Variants in CDK19 observed in about 807,000 individuals in gnomAD.
The protein encoded by CDK19 is cyclin-dependent kinase 19.
CDK19 carries 20 observed loss-of-function variants against 68.3 expected under a neutral mutation model. That is an observed-to-expected ratio of 0.29 (90% confidence interval 0.21 to 0.43). CDK19 has a LOEUF of 0.43. Among genes scored for constraint, CDK19 ranks in the 20% least tolerant of loss-of-function variants. CDK19 has a pLI of 1.00. For synonymous variants in CDK19, 221 were observed against 222.8 expected (o/e 0.99, Z 0.07); for missense variants, 339 against 623.5 (o/e 0.54, Z 4.86).
chr6:110,624,658 G>A (rs1005120986), intron 8 of CDK19, among the ~76,000 whole-genome samples: 3 of 152,036 alleles, frequency 2.0e-5, no homozygotes, highest in African/African-American at 7.2e-5. Context: ...ATTTAATATT[G>A]TTCCATAAAC....
chr6:110,766,761 A>C (rs141500486), intron 1 of CDK19, among the ~76,000 whole-genome samples: 8 of 152,292 alleles, frequency 5.3e-5, no homozygotes, highest in African/African-American at 1.9e-4. Context: ...GCACTTTGGG[A>C]GGCTAAGGCA....
chr6:110,814,949 G>C (rs1427867859), intron 1 of CDK19, 60 bp downstream of exon 1: 1 of 1,590,476 alleles, frequency 6.3e-7, no homozygotes, highest in South Asian at 1.1e-5. Context: ...CACCCATCCC[G>C]CCAGGTCGCG....
At chr6:110,788,809 G>C (rs889890864) in intron 1 of CDK19, among the ~76,000 whole-genome samples, 1 of 152,094 alleles carries the variant, frequency 6.6e-6, no homozygotes, top group Non-Finnish European at 1.5e-5. Context: ...AACTGCAGCT[G>C]CAGACTTCAA....
intron 2 of CDK19, among the ~76,000 whole-genome samples, chr6:110,734,982 T>G (rs1777131341): frequency 6.6e-6 from 1 of 152,176 alleles, no homozygotes; most frequent in Admixed American, 6.6e-5. Context: ...AAATTCCTAT[T>G]CAAGTAATGT....
chr6:110,725,737 A>G (rs1776272336), intron 2 of CDK19, among the ~76,000 whole-genome samples: 1 of 152,204 alleles, frequency 6.6e-6, no homozygotes, highest in African/African-American at 2.4e-5. Flanking sequence ...ATTTCACTAA[A>G]ATTTGGCAGT....
chr6:110,812,664 G>A (rs1026305599), intron 1 of CDK19, among the ~76,000 whole-genome samples: 1 of 151,966 alleles, frequency 6.6e-6, no homozygotes, highest in African/African-American at 2.4e-5. Context: ...TATCTTTAAT[G>A]TAACCTATGT....
chr6:110,814,618 T>A (rs1175727637), intron 1 of CDK19: 5 of 469,496 alleles, frequency 1.1e-5, no homozygotes, highest in Non-Finnish European at 2.1e-5. Context: ...ACAACGACCG[T>A]CACTACCCAG....
At chr6:110,659,929 T>G (rs918165616) in intron 4 of CDK19, among the ~76,000 whole-genome samples, 4 of 152,212 alleles carry the variant, frequency 2.6e-5, no homozygotes, top group African/African-American at 9.6e-5. Context: ...GTGGGGACTT[T>G]TTGCATTTTC....
chr6:110,739,987 A>T (rs1000397366), intron 2 of CDK19, among the ~76,000 whole-genome samples: 6 of 152,032 alleles, frequency 3.9e-5, no homozygotes, highest in Admixed American at 2.0e-4. Flanking sequence ...AACTAGAATG[A>T]TTAATAAATT....
chr6:110,635,900 T>A (rs1306737353), intron 5 of CDK19, among the ~76,000 whole-genome samples: 1 of 152,212 alleles, frequency 6.6e-6, no homozygotes, highest in African/African-American at 2.4e-5. Flanking sequence ...TAGGCATTGG[T>A]ATTACTAATG....
intron 1 of CDK19, among the ~76,000 whole-genome samples, chr6:110,807,871 C>A (rs1782790528): frequency 6.6e-6 from 1 of 150,926 alleles, no homozygotes; most frequent in Non-Finnish European, 1.5e-5. Flanking sequence ...GCAATGGCAT[C>A]ATCATAGCTC....
chr6:110,814,484 G>T (rs1393728993), intron 1 of CDK19: 1 of 391,144 alleles, frequency 2.6e-6, no homozygotes, highest in African/African-American at 2.2e-5. Context: ...TGCTGGGGGC[G>T]GCGGTGCCCA....
intron 1 of CDK19, among the ~76,000 whole-genome samples, chr6:110,777,645 T>C (rs1780503957): frequency 6.6e-6 from 1 of 152,166 alleles, no homozygotes; most frequent in Non-Finnish European, 1.5e-5. Flanking sequence ...CTTCTGGGTA[T>C]GGAGTCAAAA....
At chr6:110,807,145 TAA>T (rs761400244) in intron 1 of CDK19, among the ~76,000 whole-genome samples, 7 of 125,270 alleles carry the variant, frequency 5.6e-5, no homozygotes, top group Non-Finnish European at 6.9e-5. Flanking sequence ...ACAAATAATT[TAA>T]AAAAAAAAAA....
At chr6:110,799,617 A>T (rs746665414) in intron 1 of CDK19, among the ~76,000 whole-genome samples, 2 of 150,218 alleles carry the variant, frequency 1.3e-5, no homozygotes, top group African/African-American at 2.5e-5. Context: ...TTTTTTTTGG[A>T]GACAGGGTCT....
At chr6:110,786,143 A>C (rs1003849797) in intron 1 of CDK19, among the ~76,000 whole-genome samples, 1 of 152,188 alleles carries the variant, frequency 6.6e-6, no homozygotes, top group Non-Finnish European at 1.5e-5. Context: ...GTTGTAAAAG[A>C]AGTCCAAAGC....
At chr6:110,711,492 A>T (rs544633459) in intron 2 of CDK19, among the ~76,000 whole-genome samples, 1 of 152,372 alleles carries the variant, frequency 6.6e-6, no homozygotes, top group South Asian at 2.1e-4. Flanking sequence ...AAATTTACGT[A>T]TCAATTAAAA....
In CDK19 at chr6:110,725,603, G is replaced by A. The variant is rs1056964857; in HGVS notation, c.204+20523C>T. Among the ~76,000 whole-genome samples the A allele has an allele frequency of 3.3e-5, 5 of 152,154 alleles. No homozygotes were observed. In the Middle Eastern group the frequency reaches 0.017, roughly 518 times the overall value. On this transcript the variant is annotated intron_variant, in intron 2 of 12. Transcript: ENST00000368911. ...TCCTGAACAAAATCCATCATCCCTC[G>A]TGCAGCCTAATTGGCTGAGAAATCA...
chr6:110,664,838 G>T (rs1242579966), intron 4 of CDK19, among the ~76,000 whole-genome samples: 1 of 152,200 alleles, frequency 6.6e-6, no homozygotes, highest in Non-Finnish European at 1.5e-5. Flanking sequence ...GGATATGAGG[G>T]TAAGTTTTAA....
Sources: allele counts gnomAD v4.1 joint callset (sites outside exome capture counted in the v4.1 genomes callset), GRCh38; gene constraint gnomAD v4.1.1; transcripts MANE v1.5; gene names NCBI Gene and HGNC (gene_info 2026-07-23, HGNC 2026-07-21).